EXOC6B: variants seen among roughly 807,000 people sequenced by gnomAD.
The protein encoded by EXOC6B is exocyst complex component 6B.
EXOC6B carries 54 observed loss-of-function variants against 113.5 expected under a neutral mutation model. That is an observed-to-expected ratio of 0.48 (90% CI 0.38 to 0.60). EXOC6B has a LOEUF of 0.60. Among genes scored for constraint, EXOC6B ranks in the 20% least tolerant of loss-of-function variants. The pLI, the probability that EXOC6B is intolerant of heterozygous loss-of-function variation, is 0.00. For missense variants in EXOC6B, 797 were observed against 977.5 expected (o/e 0.82, Z 2.46); for synonymous variants, 357 against 339.0 (o/e 1.05, Z -0.58).
intron 19 of EXOC6B, among the ~76,000 whole-genome samples, chr2:72,351,797 C>T (rs1320102591): frequency 6.6e-6 from 1 of 152,092 alleles, no homozygotes; most frequent in Non-Finnish European, 1.5e-5. Flanking sequence ...GACCATGACA[C>T]TCTCATAACA....
rs541323442 is a variant in EXOC6B, at chr2:72,570,978, T to C, written c.846+4514A>G. 2.2e-4 allele frequency among the ~76,000 whole-genome samples: 33 copies of C among 152,288 alleles called. 1 individual carries two copies. In the South Asian group the frequency reaches 6.4e-3, roughly 30 times the overall value. On this transcript the variant is annotated intron_variant, in intron 7 of 21. Coordinates refer to ENST00000272427, the MANE Select transcript of EXOC6B (RefSeq NM_015189.3). The stretch of plus-strand genomic sequence containing the variant: ...CAAAGGCATTATATACATTATTTCA[T>C]TCAATCCTCACAACAAGCCTATTCT...
intron 20 of EXOC6B, among the ~76,000 whole-genome samples, chr2:72,195,230 T>C (rs1221099662): frequency 6.6e-6 from 1 of 152,190 alleles, no homozygotes; most frequent in Non-Finnish European, 1.5e-5. Flanking sequence ...CAAATAAAAA[T>C]GCCAACACCA....
intron 6 of EXOC6B, among the ~76,000 whole-genome samples, chr2:72,606,810 C>T (rs1192910042): frequency 6.6e-6 from 1 of 151,830 alleles, no homozygotes; most frequent in Non-Finnish European, 1.5e-5. Flanking sequence ...AGGGTTTCAC[C>T]GTGTTGACCA....
At chr2:72,365,910 T>A (rs1240973745) in intron 19 of EXOC6B, among the ~76,000 whole-genome samples, 1 of 152,114 alleles carries the variant, frequency 6.6e-6, no homozygotes, top group African/African-American at 2.4e-5. Flanking sequence ...GACAAAAAGC[T>A]GCTATGGACC....
intron 20 of EXOC6B, among the ~76,000 whole-genome samples, chr2:72,266,605 T>C (rs1319745558): frequency 1.3e-5 from 2 of 152,112 alleles, no homozygotes; most frequent in African/African-American, 4.8e-5. Context: ...TTCTGTTCCA[T>C]TGATCTATAT....
chr2:72,715,027 G>A lies in EXOC6B; in HGVS notation c.669+3076C>T, dbSNP rs376089906. On this transcript the variant is annotated intron_variant, in intron 6 of 21. Transcript: ENST00000272427. ...CATGCCTGTAATCCTAGCACTTTGG[G>A]AGGCCGAGGCGGGTGGATCACGAGG... Among the ~76,000 whole-genome samples, 195 of 152,192 alleles carry A rather than the reference G, an allele frequency of 1.3e-3. 1 individual carries two copies. In the South Asian group the frequency reaches 0.015, roughly 12 times the overall value.
intron 16 of EXOC6B, among the ~76,000 whole-genome samples, chr2:72,484,793 T>C (rs1176913747): frequency 6.6e-6 from 1 of 152,192 alleles, no homozygotes; most frequent in Non-Finnish European, 1.5e-5. Flanking sequence ...TTCCTTTTTA[T>C]GGCTGCATAG....
intron 6 of EXOC6B, among the ~76,000 whole-genome samples, chr2:72,661,205 A>G (rs1674986350): frequency 6.6e-6 from 1 of 152,142 alleles, no homozygotes; most frequent in Non-Finnish European, 1.5e-5. Flanking sequence ...AGAAGTCCAC[A>G]CCAAAGTGAA....
intron 17 of EXOC6B, among the ~76,000 whole-genome samples, chr2:72,468,748 G>T (rs892178517): frequency 2.0e-5 from 3 of 152,008 alleles, no homozygotes; most frequent in Non-Finnish European, 4.4e-5. Flanking sequence ...AAATTCTAAC[G>T]ATGTTAATTT....
At chr2:72,254,058 G>A (rs1421741850) in intron 20 of EXOC6B, among the ~76,000 whole-genome samples, 1 of 151,948 alleles carries the variant, frequency 6.6e-6, no homozygotes, top group Non-Finnish European at 1.5e-5. Context: ...TACTCAGGAG[G>A]CTGAGGCAGG....
At chr2:72,758,775 A>G (rs1443425656) in intron 1 of EXOC6B, among the ~76,000 whole-genome samples, 1 of 152,220 alleles carries the variant, frequency 6.6e-6, no homozygotes, top group Non-Finnish European at 1.5e-5. Context: ...AAAGCAACCA[A>G]TCCCATTTCA....
At chr2:72,506,202 C>CA (rs1414920261) in intron 11 of EXOC6B, among the ~76,000 whole-genome samples, 2 of 151,436 alleles carry the variant, frequency 1.3e-5, no homozygotes, top group East Asian at 1.9e-4. Flanking sequence ...CATAAAAACG[C>CA]AAAAAAAATT....
intron 6 of EXOC6B, among the ~76,000 whole-genome samples, chr2:72,581,254 T>G (rs557403833): frequency 2.6e-5 from 4 of 152,156 alleles, no homozygotes; most frequent in African/African-American, 9.7e-5. Context: ...TTCACACTTA[T>G]CAGGACTGGC....
intron 18 of EXOC6B, among the ~76,000 whole-genome samples, chr2:72,386,196 T>G (rs973376105): frequency 1.3e-5 from 2 of 151,622 alleles, no homozygotes; most frequent in Non-Finnish European, 2.9e-5. Flanking sequence ...ATACCACATA[T>G]GCTCATAGGC....
At chr2:72,584,384 C>T (rs1705418046) in intron 6 of EXOC6B, among the ~76,000 whole-genome samples, 1 of 152,124 alleles carries the variant, frequency 6.6e-6, no homozygotes, top group African/African-American at 2.4e-5. Flanking sequence ...ATAAATCACA[C>T]TTTAAGCCAA....
At chr2:72,646,540 C>T (rs1425669263) in intron 6 of EXOC6B, among the ~76,000 whole-genome samples, 10 of 152,094 alleles carry the variant, frequency 6.6e-5, no homozygotes, top group Non-Finnish European at 1.0e-4. Flanking sequence ...AACATCGATG[C>T]GAAAATCCTC....
chr2:72,485,211 A>T (rs1427235627), intron 16 of EXOC6B, among the ~76,000 whole-genome samples: 1 of 152,226 alleles, frequency 6.6e-6, no homozygotes, highest in South Asian at 2.1e-4. Context: ...TATCTTCATC[A>T]TCTTCCATAG....
At position 72,779,577 on chromosome 2, in the gene EXOC6B, A is replaced by G. The variant is rs114318629; in HGVS notation, c.114-38108T>C. ...TACATCAATAAGCATTATAGTGGCA[A>G]CTATTTTGGTCAGACCCCAAGCCCC... On this transcript the variant is annotated intron_variant, in intron 1 of 21. Transcript: ENST00000272427. Among the ~76,000 whole-genome samples, 1,348 of 152,262 alleles carry G rather than the reference A, an allele frequency of 8.9e-3. 18 individuals carry two copies. The highest frequency in any genetic ancestry group is 0.031 in the African/African-American group (1,297 of 41,546).
intron 6 of EXOC6B, among the ~76,000 whole-genome samples, chr2:72,673,178 A>C (rs1676030272): frequency 1.3e-5 from 2 of 152,214 alleles, no homozygotes; most frequent in Non-Finnish European, 2.9e-5. Context: ...ACAAGTCTTT[A>C]CATTGACTCT....
Sources: gnomAD v4.1 joint callset for allele counts (sites outside exome capture counted in the v4.1 genomes callset) on GRCh38, gnomAD v4.1.1 for gene constraint, MANE v1.5 for transcripts, NCBI Gene and HGNC (gene_info 2026-07-23, HGNC 2026-07-21) for gene names.